Variants in HMG20A observed in about 807,000 individuals in gnomAD.
HMG20A encodes the protein high mobility group protein 20A.
In HMG20A, 17 loss-of-function variants were observed where a neutral mutation model predicts 43.9. The ratio of observed to expected loss-of-function variants is 0.39; its 90% CI spans 0.27 to 0.58. The LOEUF is 0.58. Ranked by LOEUF, HMG20A falls within the 20% of genes least tolerant of loss-of-function variation. HMG20A has a pLI of 0.59. For synonymous variants in HMG20A, 132 were observed against 147.5 expected, an observed-to-expected ratio of 0.89 and a Z score of 0.76; for missense variants, 341 against 438.2, an observed-to-expected ratio of 0.78 and a Z score of 1.98.
the HMG20A span, among the ~76,000 whole-genome samples, chr15:77,518,953 A>G: frequency 6.6e-5 from 10 of 152,202 alleles, no homozygotes; most frequent in African/African-American, 2.4e-4. Context: ...ACCTGCTTGG[A>G]TGACCTCCTC....
chr15:77,504,136 G>A, the HMG20A span, among the ~76,000 whole-genome samples: 3,486 of 152,276 alleles, frequency 0.023, 111 homozygotes, highest in African/African-American at 0.073. Flanking sequence ...GTCCTCAGCC[G>A]AGGCCTTCTG....
At chr15:77,460,324 A>C (rs763317951) in intron 2 of HMG20A, among the ~76,000 whole-genome samples, 5 of 152,226 alleles carry the variant, frequency 3.3e-5, no homozygotes, top group Non-Finnish European at 7.4e-5. Flanking sequence ...AGCACAATGT[A>C]AGAAGGGAGA....
the HMG20A span, among the ~76,000 whole-genome samples, chr15:77,515,116 G>A: frequency 1.3e-5 from 2 of 152,194 alleles, no homozygotes; most frequent in Admixed American, 6.5e-5. Context: ...GATCCCCATG[G>A]AAGCAGTAGG....
intron 2 of HMG20A, among the ~76,000 whole-genome samples, chr15:77,463,476 A>G (rs139436647): frequency 3.9e-5 from 6 of 152,286 alleles, no homozygotes; most frequent in Non-Finnish European, 8.8e-5. Context: ...TCCCTCGATC[A>G]AAAACAAAAA....
At chr15:77,470,082 C>T (rs1309496185) in intron 4 of HMG20A, among the ~76,000 whole-genome samples, 1 of 152,172 alleles carries the variant, frequency 6.6e-6, no homozygotes, top group Non-Finnish European at 1.5e-5. Flanking sequence ...TATTACTGTA[C>T]TTAATTATTT....
chr15:77,499,903 C>T, the HMG20A span, among the ~76,000 whole-genome samples: 1 of 151,726 alleles, frequency 6.6e-6, no homozygotes, highest in South Asian at 2.1e-4. Flanking sequence ...GATCCTGGCT[C>T]ACTGCAACCT....
At chr15:77,511,842 C>T in the HMG20A span, among the ~76,000 whole-genome samples, 10 of 152,268 alleles carry the variant, frequency 6.6e-5, no homozygotes, top group Middle Eastern at 6.8e-3. Context: ...TGTGGAAAAC[C>T]GTATGGCAGA....
At chr15:77,434,231 A>T (rs1335588652) in intron 1 of HMG20A, among the ~76,000 whole-genome samples, 1 of 152,134 alleles carries the variant, frequency 6.6e-6, no homozygotes, top group African/African-American at 2.4e-5. Context: ...GTCTAGTTGG[A>T]TTATAGAGCT....
intron 1 of HMG20A, among the ~76,000 whole-genome samples, chr15:77,426,252 G>T (rs1026425720): frequency 6.6e-6 from 1 of 152,082 alleles, no homozygotes; most frequent in Non-Finnish European, 1.5e-5. Flanking sequence ...GGGGTTCGGG[G>T]TGCTAACCCC....
At chr15:77,481,833 G>A (rs904207445) in intron 9 of HMG20A, among the ~76,000 whole-genome samples, 3 of 152,160 alleles carry the variant, frequency 2.0e-5, no homozygotes, top group African/African-American at 7.2e-5. Flanking sequence ...ATTAATACTG[G>A]TTTGGCCTCA....
intron 6 of HMG20A, among the ~76,000 whole-genome samples, chr15:77,476,400 G>A (rs1238066395): frequency 6.7e-6 from 1 of 148,448 alleles, no homozygotes; most frequent in African/African-American, 2.5e-5. Flanking sequence ...CAGGAGAATT[G>A]CTTGAACCTG....
At chr15:77,495,025 C>G in the HMG20A span, among the ~76,000 whole-genome samples, 20 of 152,300 alleles carry the variant, frequency 1.3e-4, no homozygotes, top group African/African-American at 4.3e-4. Context: ...CCTTCAGCAT[C>G]GAATCTGAAA....
intron 2 of HMG20A, among the ~76,000 whole-genome samples, chr15:77,461,406 A>G (rs1424188135): frequency 6.6e-6 from 1 of 152,176 alleles, no homozygotes; most frequent in Non-Finnish European, 1.5e-5. Flanking sequence ...AATTAATATC[A>G]TACGTATATG....
At chr15:77,500,793 T>C in the HMG20A span, among the ~76,000 whole-genome samples, 22 of 152,076 alleles carry the variant, frequency 1.4e-4, no homozygotes, top group Non-Finnish European at 2.8e-4. Context: ...GGTCTTGAAC[T>C]CCTGACCTCA....
rs377009776 is a variant in HMG20A at position 77,425,357 on chromosome 15, G to A, written c.-5+4353G>A. Among the ~76,000 whole-genome samples the A allele has an allele frequency of 1.4e-4, 21 of 152,296 alleles. No homozygotes were observed. In the East Asian group the frequency reaches 3.1e-3, roughly 22 times the overall value. On this transcript the variant is annotated intron_variant, in intron 1 of 9. Transcript: ENST00000336216. ...AGGTATTCAGTAAATATTTGTGGAC[G>A]TGAGCTGGCTCTTGGAGTATGACAA...
chr15:77,461,042 G>C (rs1429922935), intron 2 of HMG20A, among the ~76,000 whole-genome samples: 1 of 151,966 alleles, frequency 6.6e-6, no homozygotes, highest in African/African-American at 2.4e-5. Context: ...AGAGTCTAAA[G>C]TGAGTTGCTA....
At chr15:77,481,807 A>T (rs2072907590) in intron 9 of HMG20A, among the ~76,000 whole-genome samples, 1 of 152,214 alleles carries the variant, frequency 6.6e-6, no homozygotes, top group Admixed American at 6.5e-5. Flanking sequence ...CAAAGGAAAC[A>T]ATTACAAAGA....
intron 1 of HMG20A, among the ~76,000 whole-genome samples, chr15:77,451,838 T>C (rs2072606168): frequency 6.6e-6 from 1 of 152,208 alleles, no homozygotes; most frequent in African/African-American, 2.4e-5. Context: ...TGAGCAAAAT[T>C]GATGTTAAAG....
the HMG20A span, among the ~76,000 whole-genome samples, chr15:77,518,475 C>T: frequency 6.6e-6 from 1 of 152,210 alleles, no homozygotes; most frequent in Non-Finnish European, 1.5e-5. Context: ...AGGCTGGTCC[C>T]TGGACCTGCT....
Sources: allele counts gnomAD v4.1 joint callset (sites outside exome capture counted in the v4.1 genomes callset), GRCh38; gene constraint gnomAD v4.1.1; transcripts MANE v1.5; gene names NCBI Gene and HGNC (gene_info 2026-07-23, HGNC 2026-07-21).